The following DENND2B variants were observed in gnomAD, a reference collection of about 807,000 sequenced individuals.
DENND2B encodes the protein DENN domain-containing protein 2B.
A neutral mutation model predicts 116.0 loss-of-function variants in DENND2B; 32 were observed. That is an observed-to-expected ratio of 0.28 (90% CI 0.21 to 0.37). The LOEUF (loss-of-function observed/expected upper bound fraction) is 0.37. Ranked by LOEUF, DENND2B falls within the 10% of genes least tolerant of loss-of-function variation. The pLI, the probability that DENND2B is intolerant of heterozygous loss-of-function variation, is 1.00. For synonymous variants in DENND2B, 588 were observed against 583.9 expected (o/e 1.01, Z -0.10); for missense variants, 1,276 against 1,477.7 (o/e 0.86, Z 2.24).
Position 8,879,474 on chromosome 11 carries a change from G to A in DENND2B, c.-156+1536C>T, listed in dbSNP as rs111293765. 7.4e-4 allele frequency among the ~76,000 whole-genome samples: 113 copies of A among 152,278 alleles called. 1 individual carries two copies. The highest frequency in any genetic ancestry group is 2.6e-3 in the African/African-American group (109 of 41,556). Reference sequence around the variant, plus strand: ...AGGAAGGATATGAAGGCAATATGAAGGAATTTGAATTTGATTCTGAAGGAT... The same window carrying A: ...AGGAAGGATATGAAGGCAATATGAAAGAATTTGAATTTGATTCTGAAGGAT... On this transcript the variant is annotated intron_variant, in intron 2 of 22. Coordinates refer to the DENND2B transcript ENST00000534127.
At chr11:8,726,287 G>T in intron 3 of DENND2B, 78 bp from the exon 4 acceptor site, 1 of 1,526,698 alleles carries the variant, frequency 6.6e-7, no homozygotes. Flanking sequence ...CATGGCAACA[G>T]CAAAGACCAT....
intron 1 of DENND2B, among the ~76,000 whole-genome samples, chr11:8,775,649 G>A (rs180824719): frequency 1.3e-3 from 198 of 152,302 alleles, no homozygotes; most frequent in Non-Finnish European, 2.1e-3. Flanking sequence ...ACACGCTGCC[G>A]GAAGCAGGAC....
At chr11:8,894,767 G>A (rs1439032074) in intron 1 of DENND2B, among the ~76,000 whole-genome samples, 2 of 152,158 alleles carry the variant, frequency 1.3e-5, no homozygotes, top group Non-Finnish European at 2.9e-5. Context: ...TGGAGAGGAT[G>A]TGGAGAAATA....
At chr11:8,713,073 C>T (rs550785959) in intron 8 of DENND2B, among the ~76,000 whole-genome samples, 2 of 152,306 alleles carry the variant, frequency 1.3e-5, no homozygotes, top group South Asian at 4.1e-4. Context: ...CGAACATCCA[C>T]GAAGGCTTCA....
chr11:8,751,867 A>T (rs552004585), intron 1 of DENND2B, among the ~76,000 whole-genome samples: 124 of 152,324 alleles, frequency 8.1e-4, no homozygotes, highest in African/African-American at 2.9e-3. Context: ...CTGACATACT[A>T]TTTATTCAAT....
At chr11:8,764,869 C>T (rs1384224998) in intron 1 of DENND2B, among the ~76,000 whole-genome samples, 3 of 143,060 alleles carry the variant, frequency 2.1e-5, no homozygotes, top group Admixed American at 7.7e-5. Context: ...CGCTTGAACC[C>T]GGGAGGCAGA....
chr11:8,786,843 A>C (rs1009181356), intron 1 of DENND2B, among the ~76,000 whole-genome samples: 17 of 152,118 alleles, frequency 1.1e-4, no homozygotes, highest in African/African-American at 3.9e-4. Flanking sequence ...CAAACAACAA[A>C]AAAAAACAAG....
chr11:8,763,871 G>C (rs1343090123), intron 1 of DENND2B, among the ~76,000 whole-genome samples: 1 of 152,030 alleles, frequency 6.6e-6, no homozygotes. Flanking sequence ...AATATAGCAA[G>C]CAGGATACAG....
chr11:8,906,309 C>T (rs1325171913), intron 1 of DENND2B, among the ~76,000 whole-genome samples: 3 of 149,802 alleles, frequency 2.0e-5, no homozygotes, highest in Admixed American at 6.7e-5. Flanking sequence ...AGGTTCACGC[C>T]GTTCTCCTGC....
chr11:8,751,793 TAG>T (rs2052557469), intron 1 of DENND2B, among the ~76,000 whole-genome samples: 1 of 152,214 alleles, frequency 6.6e-6, no homozygotes, highest in South Asian at 2.1e-4. Flanking sequence ...TTCCTTAAGT[TAG>T]AGTTTCCTTA....
chr11:8,898,771 A>T (rs894470950), intron 1 of DENND2B, among the ~76,000 whole-genome samples: 4 of 152,374 alleles, frequency 2.6e-5, no homozygotes, highest in African/African-American at 9.6e-5. Flanking sequence ...ATAGAAATAA[A>T]TTGTTGACCT....
In DENND2B at chr11:8,693,423, C is replaced by T. The variant is rs1217789192; in HGVS notation, c.*673G>A. 2 of 152,754 alleles carry T rather than the reference C, an allele frequency of 1.3e-5. No individual in the cohort carries two copies. Among genetic ancestry groups the T allele is most frequent in the African/African-American group, 4.8e-5 (2 of 41,444 alleles). The allele number at this position is 152,754 out of a possible 1,614,324, so 9.5% of individuals were successfully genotyped here. ...TGGGAAGGAGGGATGCCCTGTACCG[C>T]ATCGTGGCCACCACTGACTGGGAGC... On this transcript the variant is annotated 3_prime_UTR_variant, in exon 20 of 20. Coordinates refer to ENST00000313726, the MANE Select transcript of DENND2B (RefSeq NM_213618.2).
At chr11:8,829,855 C>T (rs183612018) in intron 4 of DENND2B, among the ~76,000 whole-genome samples, 6 of 152,290 alleles carry the variant, frequency 3.9e-5, no homozygotes, top group African/African-American at 1.4e-4. Context: ...CCAGACAATG[C>T]TCTGCTGAAT....
rs529080644 is a variant in DENND2B at position 8,863,389 on chromosome 11, C to T, written c.-249-5953G>A. ...CTGGGACTACAGGCACACGCTGCCA[C>T]GCCTGGCTAATTTTTTTGTATTTTT... On this transcript the variant is annotated intron_variant, in intron 2 of 6. Transcript: ENST00000524757. 1.3e-3 allele frequency among the ~76,000 whole-genome samples: 179 copies of T among 134,592 alleles called. 1 individual carries two copies. Among genetic ancestry groups the T allele is most frequent in the African/African-American group, 4.6e-3 (165 of 36,228 alleles). 88.3% of individuals were successfully genotyped at this position (134,592 alleles called of 152,430 possible). A position where few individuals can be genotyped will look rare whatever the true frequency, so the allele number is the denominator to read the frequency against.
intron 1 of DENND2B, among the ~76,000 whole-genome samples, chr11:8,779,302 C>T (rs2058088624): frequency 6.6e-6 from 1 of 152,168 alleles, no homozygotes; most frequent in South Asian, 2.1e-4. Flanking sequence ...GGTCCCAAGG[C>T]AGAGAGAGTG....
At chr11:8,828,283 G>T (rs1031700123) in intron 4 of DENND2B, among the ~76,000 whole-genome samples, 2 of 152,168 alleles carry the variant, frequency 1.3e-5, no homozygotes, top group African/African-American at 4.8e-5. Flanking sequence ...TTCCAGAAGT[G>T]CCTGGACACA....
chr11:8,776,154 GCGCGCGCACA>G (rs755131466), intron 1 of DENND2B: 17 of 288,792 alleles, frequency 5.9e-5, no homozygotes, highest in East Asian at 3.9e-4. Context: ...GCGCACGCGC[GCGCGCGCACA>G]CACACACACA....
In DENND2B at chr11:8,730,003, T is replaced by G; in HGVS notation, c.1287A>C (p.Pro429=). The G allele has an allele frequency of 6.2e-7, 1 of 1,614,062 alleles. No individual in the cohort carries two copies. Among genetic ancestry groups the G allele is most frequent in the Non-Finnish European group, 8.5e-7 (1 of 1,179,986 alleles). Reference sequence around the variant, plus strand: ...TGTCCTTCTTGGGTCTCCGGGTGACTGGCGGGGCTGGGGTGGAGGGCAAGG... The same window carrying G: ...TGTCCTTCTTGGGTCTCCGGGTGACGGGCGGGGCTGGGGTGGAGGGCAAGG... The part of the protein sequence containing the change: ...PPPLPSTPAP[P]VTRRPKKDMR... Residue 429 remains proline (P), a synonymous_variant, in exon 3 of 20, where the codon CCA becomes CCC. Coordinates refer to ENST00000313726, the MANE Select transcript of DENND2B (RefSeq NM_213618.2). This position sits in a 1 kb window ranked among gnomAD's most constrained non-coding sequence, Gnocchi z 4.1.
intron 1 of DENND2B, among the ~76,000 whole-genome samples, chr11:8,906,488 C>G (rs1055897299): frequency 7.0e-6 from 1 of 143,004 alleles, no homozygotes; most frequent in Non-Finnish European, 1.5e-5. Flanking sequence ...TGTGAGCCAC[C>G]GCGCCCAGCC....
Sources: allele counts gnomAD v4.1 joint callset (sites outside exome capture counted in the v4.1 genomes callset), GRCh38; gene constraint gnomAD v4.1.1; non-coding constraint Gnocchi (gnomAD v3.1); transcripts MANE v1.5; gene names NCBI Gene and HGNC (gene_info 2026-07-23, HGNC 2026-07-21).